The following DIAPH3 variants were observed in gnomAD, a reference collection of about 807,000 sequenced individuals.
The protein encoded by DIAPH3 is diaphanous related formin 3.
In DIAPH3, 117 loss-of-function variants were observed where a neutral mutation model predicts 144.3. The observed-to-expected ratio is 0.81, with a 90% confidence interval of 0.70 to 0.95. DIAPH3 has a LOEUF of 0.95. Among genes scored for constraint, DIAPH3 ranks in the 40% least tolerant of loss-of-function variants. The pLI is 0.00. For synonymous variants in DIAPH3, 519 were observed against 488.9 expected, an observed-to-expected ratio of 1.06 and a Z score of -0.81; for missense variants, 1,421 against 1,412.7, an observed-to-expected ratio of 1.01 and a Z score of -0.09.
At chr13:60,059,228 AGAG>A (rs1872280114) in intron 4 of DIAPH3, among the ~76,000 whole-genome samples, 1 of 151,866 alleles carries the variant, frequency 6.6e-6, no homozygotes, top group South Asian at 2.1e-4. Context: ...GCAGTCTTGA[AGAG>A]GAGAAAGGGT....
At chr13:60,004,859 T>G (rs2140913955) in intron 9 of DIAPH3, among the ~76,000 whole-genome samples, 1 of 152,294 alleles carries the variant, frequency 6.6e-6, no homozygotes, top group African/African-American at 2.4e-5. Context: ...CAGCTACTTA[T>G]ATATTGGCAA....
rs202198529 is a variant in DIAPH3, at chr13:60,163,611, C to A, written c.156G>T (p.Glu52Asp). 1.1e-4 allele frequency: 182 copies of A among 1,602,564 alleles called. No homozygotes were observed. Among genetic ancestry groups the A allele is most frequent in the Middle Eastern group, 1.7e-4 (1 of 6,016 alleles). ...QHPPPPSGPE[E>D]PGEKRPKFHL... is the part of the protein sequence containing the mutation. ...CAAACTTGGGGCGCTTCTCCCCAGG[C>A]TCCTCGGGGCCACTGGGCGGCGGAG... Residue 52 changes from glutamate to aspartate, a missense_variant, in exon 1 of 28, where the codon GAG (glutamate) becomes GAT (aspartate). By Grantham distance (45) the Glu-to-Asp change is conservative. Transcript: ENST00000400324.
chr13:59,755,153 G>T (rs1308628207), intron 27 of DIAPH3, among the ~76,000 whole-genome samples: 1 of 152,098 alleles, frequency 6.6e-6, no homozygotes, highest in African/African-American at 2.4e-5. Flanking sequence ...CATGGTGTCA[G>T]ATTCAGTACT....
chr13:59,854,872 C>T (rs1044019123), intron 22 of DIAPH3, among the ~76,000 whole-genome samples: 21 of 152,138 alleles, frequency 1.4e-4, no homozygotes, highest in Admixed American at 1.4e-3. Context: ...ACACTTTCAG[C>T]CTGTTAACCT....
At chr13:60,073,209 C>T (rs1424747358) in intron 4 of DIAPH3, among the ~76,000 whole-genome samples, 1 of 151,266 alleles carries the variant, frequency 6.6e-6, no homozygotes, top group African/African-American at 2.4e-5. Context: ...CTCAGGAGGC[C>T]GAGGCAGAAG....
At chr13:60,139,138 C>T (rs1475644463) in intron 1 of DIAPH3, among the ~76,000 whole-genome samples, 1 of 152,206 alleles carries the variant, frequency 6.6e-6, no homozygotes. Context: ...CTGGCAACTA[C>T]ACAACACACA....
chr13:59,973,415 T>C (rs540593577), intron 15 of DIAPH3, among the ~76,000 whole-genome samples: 2 of 151,414 alleles, frequency 1.3e-5, no homozygotes, highest in African/African-American at 4.9e-5. Flanking sequence ...CAAGGAACCA[T>C]ATGGGAAAGA....
intron 17 of DIAPH3, among the ~76,000 whole-genome samples, chr13:59,943,270 T>C (rs571162315): frequency 3.9e-5 from 6 of 152,322 alleles, no homozygotes; most frequent in East Asian, 1.9e-4. Context: ...TTTATAGATA[T>C]GTAACTAAGG....
chr13:59,923,996 T>G (rs555321680), intron 18 of DIAPH3, among the ~76,000 whole-genome samples: 1 of 152,310 alleles, frequency 6.6e-6, no homozygotes, highest in East Asian at 1.9e-4. Flanking sequence ...AAAGCTCAGT[T>G]GAGGCATGTA....
chr13:59,743,816 A>G (rs2036578746), intron 27 of DIAPH3, among the ~76,000 whole-genome samples: 1 of 152,190 alleles, frequency 6.6e-6, no homozygotes, highest in South Asian at 2.1e-4. Flanking sequence ...CTGGAAAAGC[A>G]TATTTAAATT....
intron 9 of DIAPH3, among the ~76,000 whole-genome samples, chr13:60,006,750 T>G (rs2052898462): frequency 1.3e-5 from 2 of 152,044 alleles, no homozygotes; most frequent in African/African-American, 4.8e-5. Context: ...AGGCTAGCAG[T>G]ACATGAATTA....
intron 3 of DIAPH3, among the ~76,000 whole-genome samples, chr13:60,099,392 C>T (rs2058199121): frequency 6.6e-6 from 1 of 152,138 alleles, no homozygotes. Flanking sequence ...ATTTTGTAGA[C>T]ATGGTGGGAT....
intron 27 of DIAPH3, among the ~76,000 whole-genome samples, chr13:59,695,035 G>A (rs76862004): frequency 0.012 from 1,812 of 152,186 alleles, 19 homozygotes; most frequent in Middle Eastern, 0.031. Flanking sequence ...TGCTACAGTC[G>A]ATAAAAATGA....
Position 60,010,646 on chromosome 13 carries a change from A to T in DIAPH3, c.795T>A (p.Ser265Arg). The T allele has an allele frequency of 6.2e-7, 1 of 1,613,608 alleles. No homozygotes were observed. The highest frequency in any genetic ancestry group is 1.3e-5 in the African/African-American group (1 of 75,000). ...CCAATAAGGAAAGGCTCCTCTCCTCACTCATAATTCTTTCCAAGCCATACT... is the reference window on the plus strand; with the variant it reads ...CCAATAAGGAAAGGCTCCTCTCCTCTCTCATAATTCTTTCCAAGCCATACT... Reference protein sequence around the residue: ...NTQYGLERIMSEERSLSLLAK... With the variant: ...NTQYGLERIMREERSLSLLAK... The change falls in exon 8 of 28, where the codon AGT (serine) becomes AGA (arginine). Residue 265 changes from serine (S) to arginine (R), a missense_variant. Transcript: ENST00000400324.
chr13:59,959,596 A>G (rs548846480), intron 17 of DIAPH3, among the ~76,000 whole-genome samples: 13 of 152,326 alleles, frequency 8.5e-5, no homozygotes, highest in East Asian at 3.9e-4. Context: ...AGATCTAACA[A>G]AATGACTTGC....
chr13:59,859,904 G>A (rs923535781), intron 22 of DIAPH3, among the ~76,000 whole-genome samples: 5 of 151,942 alleles, frequency 3.3e-5, no homozygotes, highest in Admixed American at 6.6e-5. Flanking sequence ...CTATATATAT[G>A]GGAAGATTCT....
intron 20 of DIAPH3, among the ~76,000 whole-genome samples, chr13:59,898,008 C>T (rs2046217113): frequency 6.6e-6 from 1 of 151,252 alleles, no homozygotes; most frequent in Admixed American, 6.6e-5. Context: ...GTGGCACATG[C>T]CTGTAATCCT....
chr13:59,763,358 A>G (rs966574250), intron 27 of DIAPH3, among the ~76,000 whole-genome samples: 1 of 151,918 alleles, frequency 6.6e-6, no homozygotes, highest in South Asian at 2.1e-4. Flanking sequence ...ATGTGTATGC[A>G]TGTATCCTGT....
chr13:59,775,735 A>AG (rs11371742), intron 25 of DIAPH3, among the ~76,000 whole-genome samples: 99,617 of 151,572 alleles, frequency 0.66, 33,181 homozygotes, highest in East Asian at 0.72. Flanking sequence ...CAGAACGTAT[A>AG]GTTTATCTTC....
Sources: gnomAD v4.1 joint callset for allele counts (sites outside exome capture counted in the v4.1 genomes callset) on GRCh38, gnomAD v4.1.1 for gene constraint, MANE v1.5 for transcripts, NCBI Gene and HGNC (gene_info 2026-07-23, HGNC 2026-07-21) for gene names.